Variants in ERICH1 observed in about 807,000 individuals in gnomAD.
ERICH1 encodes the protein glutamate rich 1.
In ERICH1, 56 loss-of-function variants were observed where a neutral mutation model predicts 39.6. That is an observed-to-expected ratio of 1.41 (90% CI 1.14 to 1.77). The LOEUF (loss-of-function observed/expected upper bound fraction) is 1.77, where lower values mean the gene tolerates loss of function less well. Among genes scored for constraint, ERICH1 ranks in the 40% most tolerant of loss-of-function variants. ERICH1 has a pLI of 0.00. For synonymous variants in ERICH1, 313 were observed against 223.6 expected (o/e 1.40, Z -3.57); for missense variants, 826 against 575.4 (o/e 1.44, Z -4.45).
chr8:700,328 C>T (rs1457337955), intron 2 of ERICH1, among the ~76,000 whole-genome samples: 3 of 93,738 alleles, frequency 3.2e-5, no homozygotes, highest in African/African-American at 9.4e-5. Flanking sequence ...CGCGCACAGG[C>T]CCGCACACGC....
chr8:669,018 GA>G, intron 4 of ERICH1: 1 of 540,176 alleles, frequency 1.9e-6, no homozygotes, highest in South Asian at 2.5e-5. Flanking sequence ...TCTGTCTGGT[GA>G]GACGCCTCCC....
intron 5 of ERICH1, chr8:666,501 C>G (rs1188226661): frequency 6.6e-6 from 1 of 152,338 alleles, no homozygotes; most frequent in Middle Eastern, 3.1e-3. Flanking sequence ...CAGGTGCCTT[C>G]TCAGGAGCAC....
intron 3 of ERICH1, among the ~76,000 whole-genome samples, chr8:643,581 A>G (rs1389787582): frequency 1.4e-5 from 2 of 143,960 alleles, no homozygotes; most frequent in Admixed American, 6.9e-5. Context: ...CTACCCCCTC[A>G]CCTTTGAAGA....
intron 2 of ERICH1, among the ~76,000 whole-genome samples, chr8:704,607 T>A (rs181153879): frequency 8.5e-5 from 13 of 152,162 alleles, no homozygotes; most frequent in Non-Finnish European, 1.8e-4. Flanking sequence ...ATGTAAACAA[T>A]ACTGATGTAC....
chr8:695,926 A>C (rs1409146893), intron 2 of ERICH1, among the ~76,000 whole-genome samples: 5 of 30,536 alleles, frequency 1.6e-4, no homozygotes, highest in South Asian at 1.5e-3. Context: ...CTCACCCTCC[A>C]CTCCTCTCCT....
chr8:718,842 C>T (rs2132380355), intron 1 of ERICH1, among the ~76,000 whole-genome samples: 1 of 152,336 alleles, frequency 6.6e-6, no homozygotes, highest in African/African-American at 2.4e-5. Context: ...GCTCAGGTGC[C>T]ACACGAGCAG....
chr8:642,548 G>A (rs1179871910), intron 3 of ERICH1, among the ~76,000 whole-genome samples: 3 of 151,808 alleles, frequency 2.0e-5, no homozygotes, highest in African/African-American at 7.3e-5. Context: ...GTTTCACTGT[G>A]TTAGCCAGGA....
intron 3 of ERICH1, among the ~76,000 whole-genome samples, chr8:652,156 G>A (rs1026022921): frequency 3.3e-5 from 5 of 152,154 alleles, no homozygotes; most frequent in Admixed American, 3.3e-4. Flanking sequence ...CCACCCCATC[G>A]ACGCCTTCCC....
At chr8:636,117 G>T (rs543676928) in intron 3 of ERICH1, among the ~76,000 whole-genome samples, 2 of 152,334 alleles carry the variant, frequency 1.3e-5, no homozygotes, top group African/African-American at 4.8e-5. Context: ...AAAACACTCA[G>T]CCTGGGGCTA....
chr8:700,241 ACAGGCCCGC>A (rs1811645491), intron 2 of ERICH1, among the ~76,000 whole-genome samples: 2 of 64,150 alleles, frequency 3.1e-5, no homozygotes, highest in African/African-American at 9.6e-5. Flanking sequence ...ACAGGCCCGC[ACAGGCCCGC>A]ACACGCGCAC....
intron 3 of ERICH1, among the ~76,000 whole-genome samples, chr8:633,696 G>A (rs1014523953): frequency 6.6e-6 from 1 of 152,198 alleles, no homozygotes; most frequent in South Asian, 2.1e-4. Context: ...TATGGACCAA[G>A]GGAACAGAGG....
intron 3 of ERICH1, among the ~76,000 whole-genome samples, chr8:676,760 G>A (rs1207572002): frequency 2.0e-5 from 3 of 152,238 alleles, no homozygotes; most frequent in Non-Finnish European, 4.4e-5. Flanking sequence ...TGCCCGAGCA[G>A]ACCTAGAACT....
At chr8:642,776 T>A (rs551748915) in intron 3 of ERICH1, among the ~76,000 whole-genome samples, 1 of 151,694 alleles carries the variant, frequency 6.6e-6, no homozygotes, top group Non-Finnish European at 1.5e-5. Flanking sequence ...GCTCAGAGGG[T>A]CAGTGTGAGT....
intron 4 of ERICH1, among the ~76,000 whole-genome samples, chr8:673,082 G>A (rs1332041619): frequency 6.6e-6 from 1 of 152,248 alleles, no homozygotes; most frequent in Non-Finnish European, 1.5e-5. Context: ...CACATCATCG[G>A]TGGAAAGCAC....
intron 1 of ERICH1, among the ~76,000 whole-genome samples, chr8:719,590 C>T (rs1367703791): frequency 6.6e-6 from 1 of 152,196 alleles, no homozygotes; most frequent in Non-Finnish European, 1.5e-5. Context: ...GGACCAGATC[C>T]TTTTCCTCCT....
Position 625,517 on chromosome 8 carries a change from TG to T in ERICH1, c.977-10234del, listed in dbSNP as rs539198936. ...GAGGTCTAAAGAGCACGGGGTGTCT[TG>T]GGGGTAATACAAGTGTTCTCACATT... On this transcript the variant is annotated intron_variant, in intron 3 of 3. Transcript: ENST00000522706. Among the ~76,000 whole-genome samples, 70 of 152,246 alleles carry T rather than the reference TG, an allele frequency of 4.6e-4. 1 individual carries two copies. In the South Asian group the frequency reaches 0.013, roughly 28 times the overall value.
At chr8:691,030 G>A (rs1485585592) in intron 3 of ERICH1, 2 of 152,324 alleles carry the variant, frequency 1.3e-5, no homozygotes, top group East Asian at 3.9e-4. Context: ...GGCTCCTGAG[G>A]GCCCTGGAGG....
chr8:651,936 T>C (rs1800008185), intron 3 of ERICH1, among the ~76,000 whole-genome samples: 1 of 152,162 alleles, frequency 6.6e-6, no homozygotes, highest in South Asian at 2.1e-4. Context: ...TGCTTGGTAA[T>C]AAATGTGGCA....
At chr8:685,693 G>T (rs745327323) in intron 3 of ERICH1, among the ~76,000 whole-genome samples, 26 of 152,094 alleles carry the variant, frequency 1.7e-4, no homozygotes, top group Non-Finnish European at 2.8e-4. Context: ...CCCTCCGTTC[G>T]GGGTCCCTGA....
Sources: allele counts gnomAD v4.1 joint callset (sites outside exome capture counted in the v4.1 genomes callset), GRCh38; gene constraint gnomAD v4.1.1; transcripts MANE v1.5; gene names NCBI Gene and HGNC (gene_info 2026-07-23, HGNC 2026-07-21).